ABCA10: variants seen among roughly 807,000 people sequenced by gnomAD.
ABCA10 encodes ATP-binding cassette sub-family A member 10.
A neutral mutation model predicts 187.5 loss-of-function variants in ABCA10; 169 were observed. That is an observed-to-expected ratio of 0.90 (90% CI 0.80 to 1.02). The LOEUF (loss-of-function observed/expected upper bound fraction) is 1.02. Ranked by LOEUF, ABCA10 falls within the 50% of genes least tolerant of loss-of-function variation. The pLI is 0.00. For synonymous variants in ABCA10, 574 were observed against 601.8 expected (o/e 0.95, Z 0.68); for missense variants, 1,727 against 1,812.4 (o/e 0.95, Z 0.86).
intron 1 of ABCA10, among the ~76,000 whole-genome samples, chr17:69,239,112 G>C (rs1308148482): frequency 6.6e-6 from 1 of 152,180 alleles, no homozygotes; most frequent in East Asian, 1.9e-4. Flanking sequence ...TCTGTACAGA[G>C]GTGATTGGGG....
rs144810060 is a variant in ABCA10, at chr17:69,223,506, A to G, written c.35-809T>C. 1,263 of 307,554 alleles carry G rather than the reference A, an allele frequency of 4.1e-3. 19 individuals carry two copies. The highest frequency in any genetic ancestry group is 0.027 in the African/African-American group (1,180 of 43,890). The allele number at this position is 307,554 out of a possible 1,614,324, so 19.1% of individuals were successfully genotyped here. A position where few individuals can be genotyped will look rare whatever the true frequency, so the allele number is the denominator to read the frequency against. ...AGAAGCTTTGAAAATCACTGGTCCA[A>G]TTAGTGCCTCCTTTTTCACGTTTAT... On this transcript the variant is annotated intron_variant, in intron 3 of 38. Coordinates refer to ENST00000690296, the MANE Select transcript of ABCA10 (RefSeq NM_001377321.1).
Position 69,185,792 on chromosome 17 carries a change from T to G in ABCA10, c.2331-149A>C, listed in dbSNP as rs905096299. 9 of 555,582 alleles carry G rather than the reference T, an allele frequency of 1.6e-5. No individual in the cohort carries two copies. The Admixed American group carries it at 2.9e-4, about 18-fold the overall frequency. The allele number at this position is 555,582 out of a possible 1,614,324, so 34.4% of individuals were successfully genotyped here. A position where few individuals can be genotyped will look rare whatever the true frequency, so the allele number is the denominator to read the frequency against. On this transcript the variant is annotated intron_variant, in intron 19 of 38. Transcript: ENST00000690296. ...AAAATGAAACATACAGTGACAGTAA[T>G]CTGAAAATCAGCACAAAAAAATTAC...
At chr17:69,212,637 A>C (rs1417396964) in intron 9 of ABCA10, among the ~76,000 whole-genome samples, 1 of 152,080 alleles carries the variant, frequency 6.6e-6, no homozygotes, top group Non-Finnish European at 1.5e-5. Context: ...TAAATTTGAG[A>C]GCTCCAGTAT....
intron 6 of ABCA10, 127 bp from the exon 7 acceptor site, chr17:69,216,485 C>CA: frequency 9.0e-7 from 1 of 1,111,294 alleles, no homozygotes. Flanking sequence ...GGTGGCCATA[C>CA]ACATTTTGTG....
intron 9 of ABCA10, among the ~76,000 whole-genome samples, chr17:69,209,710 C>CCTT (rs1159272816): frequency 2.4e-5 from 2 of 82,092 alleles, no homozygotes; most frequent in African/African-American, 5.5e-5. Flanking sequence ...AATGGGGATA[C>CCTT]CTTCTGAGAA....
In ABCA10 at chr17:69,215,892, A is replaced by AT; in HGVS notation, c.780dup (p.Tyr261IlefsTer2). The AT allele has an allele frequency of 2.5e-6, 4 of 1,613,908 alleles. No individual in the cohort carries two copies. Among genetic ancestry groups the AT allele is most frequent in the Non-Finnish European group, 2.5e-6 (3 of 1,179,810 alleles). On this transcript the variant is annotated frameshift_variant, in exon 8 of 39. Coordinates refer to ENST00000690296, the MANE Select transcript of ABCA10 (RefSeq NM_001377321.1). LOFTEE classifies it high-confidence loss of function. The stretch of plus-strand genomic sequence containing the variant: ...CCCAAAGATAAAGGAAGTTGTCTAT[A>AT]TAACACAGTGAATCCCAGACATCCC...
chr17:69,191,674 C>T (rs2074461350), intron 16 of ABCA10, among the ~76,000 whole-genome samples: 2 of 148,558 alleles, frequency 1.3e-5, no homozygotes, highest in African/African-American at 5.0e-5. Flanking sequence ...TGTATATATA[C>T]ATATATAAAA....
In ABCA10 at chr17:69,194,464, G is replaced by A. The variant is rs751255851; in HGVS notation, c.1266C>T (p.Ile422=). ...CTCCATTATGCCCAAGTATTGCAGTGATCTGTCCTTCATATATGTCAAAAA... is the reference window on the plus strand; with the variant it reads ...CTCCATTATGCCCAAGTATTGCAGTAATCTGTCCTTCATATATGTCAAAAA... The part of the protein sequence containing the change: ...GIFFDIYEGQ[I]TAILGHNGAG... Residue 422 remains isoleucine (I), a synonymous_variant, in exon 12 of 39, where the codon ATC becomes ATT. Coordinates refer to ENST00000690296, the MANE Select transcript of ABCA10 (RefSeq NM_001377321.1). The A allele has an allele frequency of 1.2e-5, 19 of 1,612,328 alleles. No individual in the cohort carries two copies. The highest frequency in any genetic ancestry group is 1.6e-5 in the Non-Finnish European group (19 of 1,179,108).
intron 18 of ABCA10, among the ~76,000 whole-genome samples, chr17:69,190,104 G>C (rs1178886092): frequency 1.3e-5 from 2 of 152,116 alleles, no homozygotes; most frequent in Non-Finnish European, 2.9e-5. Context: ...AAAGAGATGT[G>C]CCTGTCACTG....
At chr17:69,215,763 G>T in intron 8 of ABCA10, 52 bp downstream of exon 8, 1 of 1,376,060 alleles carries the variant, frequency 7.3e-7, no homozygotes, top group South Asian at 1.9e-5. Context: ...TCTTGAATAA[G>T]AACATATTTT....
intron 10 of ABCA10, 115 bp from the exon 11 acceptor site, chr17:69,197,237 T>G: frequency 1.3e-6 from 1 of 765,708 alleles, no homozygotes; most frequent in Non-Finnish European, 2.1e-6. Context: ...CTCAGTGGGA[T>G]GTAAGGAGGG....
intron 20 of ABCA10, 51 bp from the exon 21 acceptor site, chr17:69,182,859 ATCAAAG>A (rs760980720): frequency 7.3e-5 from 112 of 1,534,008 alleles, no homozygotes; most frequent in Non-Finnish European, 9.1e-5. Context: ...AAGCAAGAAA[ATCAAAG>A]TCAAAGCTTA....
chr17:69,202,943 TTTTCACATGTAATA>T (rs2144818924), intron 9 of ABCA10, among the ~76,000 whole-genome samples: 1 of 152,282 alleles, frequency 6.6e-6, no homozygotes, highest in Admixed American at 6.5e-5. Flanking sequence ...CAATACAGAA[TTTTCACATGTAATA>T]TTTCACTGCA....
intron 27 of ABCA10, among the ~76,000 whole-genome samples, chr17:69,161,118 T>G (rs2074214395): frequency 6.6e-6 from 1 of 152,244 alleles, no homozygotes; most frequent in Non-Finnish European, 1.5e-5. Flanking sequence ...TGGATAAACC[T>G]TGAGAACATT....
intron 25 of ABCA10, among the ~76,000 whole-genome samples, chr17:69,165,787 T>C (rs1295109118): frequency 6.6e-6 from 1 of 152,126 alleles, no homozygotes; most frequent in Non-Finnish European, 1.5e-5. Context: ...TTGTGACAAT[T>C]TGAAAACCTC....
At position 69,152,481 on chromosome 17, in the gene ABCA10, C is replaced by A; in HGVS notation, c.4137G>T (p.Trp1379Cys). The A allele has an allele frequency of 6.2e-7, 1 of 1,606,920 alleles. No homozygotes were observed. Among genetic ancestry groups the A allele is most frequent in the Non-Finnish European group, 8.5e-7 (1 of 1,177,276 alleles). The stretch of plus-strand genomic sequence containing the variant: ...TTTTAACGGTAGCCTGAAGTATCTG[C>A]CTAAAGATAAAGTAAGGGATTGTTT... ...GMDPEGQQQM[W>C]QILQATVKNK... The change falls in exon 35 of 39, where the codon TGG (tryptophan) becomes TGT (cysteine). Residue 1379 changes from tryptophan (W) to cysteine (C), a missense_variant and splice_region_variant. Transcript: ENST00000690296.
chr17:69,193,993 T>C lies in ABCA10; in HGVS notation c.1346-4A>G. On this transcript the variant is annotated splice_region_variant and splice_polypyrimidine_tract_variant and intron_variant, in intron 12 of 38. Transcript: ENST00000690296. ...GTATTATAAATAGTGGCTGATCCTATAAATAGAAATTTAAAAGGCTTTACT... is the reference window on the plus strand; with the variant it reads ...GTATTATAAATAGTGGCTGATCCTACAAATAGAAATTTAAAAGGCTTTACT... 6.3e-7 allele frequency: 1 copy of C among 1,577,760 alleles called. No homozygotes were observed. The highest frequency in any genetic ancestry group is 8.6e-7 in the Non-Finnish European group (1 of 1,159,020).
chr17:69,225,648 G>A (rs1412442794), intron 2 of ABCA10, 119 bp from the exon 3 acceptor site: 3 of 344,152 alleles, frequency 8.7e-6, no homozygotes, highest in African/African-American at 6.3e-5. Context: ...ATTTCAGTCT[G>A]TAATTTTTTT....
At chr17:69,232,063 CT>C (rs377523968), upstream of ABCA10, among the ~76,000 whole-genome samples, 2 of 151,886 alleles carry the variant, frequency 1.3e-5, no homozygotes, top group Non-Finnish European at 2.9e-5. Flanking sequence ...TACTCCTACT[CT>C]TTTTTTTGTT....
Sources: allele counts gnomAD v4.1 joint callset (sites outside exome capture counted in the v4.1 genomes callset), GRCh38; gene constraint gnomAD v4.1.1; transcripts MANE v1.5; gene names NCBI Gene and HGNC (gene_info 2026-07-23, HGNC 2026-07-21).